SYNE1: variants seen among roughly 807,000 people sequenced by gnomAD.
The protein encoded by SYNE1 is nesprin-1.
A neutral mutation model predicts 1,111.0 loss-of-function variants in SYNE1; 616 were observed. That is an observed-to-expected ratio of 0.55 (90% CI 0.52 to 0.59). The LOEUF is 0.59. Ranked by LOEUF, SYNE1 falls within the 20% of genes least tolerant of loss-of-function variation. The probability of loss-of-function intolerance (pLI) is 0.00; values close to 1 mark genes in which losing one functional copy is unlikely to be tolerated. For missense variants in SYNE1, 10,006 were observed against 10,417.0 expected (o/e 0.96, Z 1.72); for synonymous variants, 3,855 against 3,825.8 (o/e 1.01, Z -0.28).
intron 78 of SYNE1, among the ~76,000 whole-genome samples, chr6:152,328,373 T>C (rs944120752): frequency 1.5e-5 from 2 of 135,986 alleles, no homozygotes; most frequent in Admixed American, 1.6e-4. Context: ...TTTCTCTTCT[T>C]ATTTTATTTT....
At chr6:152,597,319 C>T (rs76612580) in intron 3 of SYNE1, among the ~76,000 whole-genome samples, 8,153 of 152,188 alleles carry the variant, frequency 0.054, 727 homozygotes, top group African/African-American at 0.19. Context: ...CTCTAGTTTC[C>T]GAGGCTGGAG....
chr6:152,586,758 G>C (rs546734526), intron 3 of SYNE1, among the ~76,000 whole-genome samples: 2 of 152,106 alleles, frequency 1.3e-5, no homozygotes, highest in South Asian at 4.2e-4. Context: ...GATGGGTACA[G>C]AGTTTCTTCT....
At chr6:152,576,197 T>A (rs757324493) in intron 3 of SYNE1, among the ~76,000 whole-genome samples, 1 of 152,240 alleles carries the variant, frequency 6.6e-6, no homozygotes, top group Non-Finnish European at 1.5e-5. Flanking sequence ...TCTGTATCTA[T>A]AGGATATAAA....
rs1274593253 is a variant in SYNE1 at position 152,255,506 on chromosome 6, C to A, written c.19260+85G>T. 30 of 1,454,826 alleles carry A rather than the reference C, an allele frequency of 2.1e-5. No individual in the cohort carries two copies. The Middle Eastern group carries it at 7.4e-4, about 36-fold the overall frequency. The allele number at this position is 1,454,826 out of a possible 1,614,324, so 90.1% of individuals were successfully genotyped here. ...TTAGAATTGTTTTATGTTTGACTTT[C>A]TTTATGCATAAAATTAATTATCCCA... On this transcript the variant is annotated intron_variant, in intron 103 of 145. Transcript: ENST00000367255.
intron 95 of SYNE1, among the ~76,000 whole-genome samples, chr6:152,292,251 G>T (rs989325818): frequency 6.6e-6 from 1 of 152,168 alleles, no homozygotes. Flanking sequence ...AATGGCATTG[G>T]AATAGTCCCC....
intron 100 of SYNE1, among the ~76,000 whole-genome samples, chr6:152,264,939 G>GAATTATAA (rs2092521376): frequency 6.6e-6 from 1 of 152,078 alleles, no homozygotes; most frequent in Non-Finnish European, 1.5e-5. Context: ...GCTGGGCGTG[G>GAATTATAA]TGGCTCACAC....
At chr6:152,415,027 G>A (rs888642313) in intron 41 of SYNE1, among the ~76,000 whole-genome samples, 1 of 152,018 alleles carries the variant, frequency 6.6e-6, no homozygotes, top group East Asian at 1.9e-4. Context: ...CTGGTTAAAA[G>A]GAAACAACCA....
chr6:152,471,299 A>G (rs2098804192), intron 16 of SYNE1, among the ~76,000 whole-genome samples: 3 of 152,210 alleles, frequency 2.0e-5, no homozygotes, highest in Admixed American at 2.0e-4. Context: ...AAATGTGGGT[A>G]TGCAATACAA....
chr6:152,567,407 T>C (rs1197024843), intron 3 of SYNE1, among the ~76,000 whole-genome samples: 1 of 152,144 alleles, frequency 6.6e-6, no homozygotes, highest in Non-Finnish European at 1.5e-5. Flanking sequence ...TTTCCTAACC[T>C]ACACAGTGCT....
chr6:152,488,394 A>G lies in SYNE1; in HGVS notation c.1047+2T>C. On this transcript the variant is annotated splice_donor_variant, in intron 12 of 145. Transcript: ENST00000367255. LOFTEE classifies it high-confidence loss of function. ...AATTCAAAAATCTTCTCCATACAAT[A>G]CCTGATATTTATCCTGTAAATTTGA... 1.3e-6 allele frequency: 2 copies of G among 1,538,996 alleles called. No individual in the cohort carries two copies. Among genetic ancestry groups the G allele is most frequent in the Non-Finnish European group, 1.8e-6 (2 of 1,113,898 alleles).
chr6:152,301,870 A>G lies in SYNE1; in HGVS notation c.17540T>C (p.Met5847Thr), dbSNP rs2095187917. The G allele has an allele frequency of 1.2e-6, 2 of 1,610,614 alleles. No individual in the cohort carries two copies. The highest frequency in any genetic ancestry group is 2.2e-5 in the East Asian group (1 of 44,798). The change falls in exon 92 of 146, where the codon ATG becomes ACG. Residue 5847 changes from methionine to threonine, a missense_variant and splice_region_variant. Met to Thr is a moderately conservative substitution (Grantham distance 81). Coordinates refer to ENST00000367255, the MANE Select transcript of SYNE1 (RefSeq NM_182961.4). The part of the protein sequence containing the change: ...PTPSAHPSVV[M>T]MTAGRCHTLL... ...CGCGGGGACCCACTGGATCCTTACC[A>G]TGACCACAGAGGGGTGGGCCGAAGG...
In SYNE1 at chr6:152,147,686, G is replaced by A. The variant is rs187091713; in HGVS notation, c.24976+359C>T. On this transcript the variant is annotated intron_variant, in intron 137 of 145. Transcript: ENST00000367255. ...TCTCTCCCAGGACTCCGGCTTTGTCGCCCCTGCTTGTGTGTCCTGCCACCA... is the reference window on the plus strand; with the variant it reads ...TCTCTCCCAGGACTCCGGCTTTGTCACCCCTGCTTGTGTGTCCTGCCACCA... 5.1e-5 allele frequency: 15 copies of A among 292,144 alleles called. No individual in the cohort carries two copies. In the Admixed American group the frequency reaches 5.9e-4, roughly 11 times the overall value. The allele number at this position is 292,144 out of a possible 1,614,324, so 18.1% of individuals were successfully genotyped here.
In SYNE1 at chr6:152,291,750, G is replaced by A. The variant is rs56093970; in HGVS notation, c.18012+1838C>T. Among the ~76,000 whole-genome samples the A allele has an allele frequency of 3.3e-5, 5 of 152,208 alleles. No homozygotes were observed. In the East Asian group the frequency reaches 9.7e-4, roughly 29 times the overall value. Reference sequence around the variant, plus strand: ...CAGCCTCCTGGGCCACAAGAATGGGGGCTTGAACAAAGGTGGAGATGTCCT... The same window carrying A: ...CAGCCTCCTGGGCCACAAGAATGGGAGCTTGAACAAAGGTGGAGATGTCCT... On this transcript the variant is annotated intron_variant, in intron 95 of 145. Transcript: ENST00000367255.
chr6:152,403,791 A>C (rs1316104829), intron 46 of SYNE1, among the ~76,000 whole-genome samples: 2 of 152,170 alleles, frequency 1.3e-5, no homozygotes, highest in African/African-American at 2.4e-5. Flanking sequence ...TCTAGACATG[A>C]AATGGTCCAT....
chr6:152,610,323 C>T (rs552014054), intron 3 of SYNE1, among the ~76,000 whole-genome samples: 16 of 152,252 alleles, frequency 1.1e-4, no homozygotes, highest in African/African-American at 3.6e-4. Flanking sequence ...AGCTGAAAAC[C>T]ATGGCATGAG....
In SYNE1 at chr6:152,233,614, C is replaced by G. The variant is rs960012385; in HGVS notation, c.20712+167G>C. Among the ~76,000 whole-genome samples the G allele has an allele frequency of 9.9e-5, 15 of 152,246 alleles. No homozygotes were observed. In the South Asian group the frequency reaches 3.1e-3, roughly 32 times the overall value. On this transcript the variant is annotated intron_variant, in intron 112 of 145. Transcript: ENST00000367255. ...TGCTAGGATTACAGGTGCGAGCCACCGCGCCCGGCCAGAGTTCACTCTTAA... is the reference window on the plus strand; with the variant it reads ...TGCTAGGATTACAGGTGCGAGCCACGGCGCCCGGCCAGAGTTCACTCTTAA...
intron 83 of SYNE1, 98 bp from the exon 84 acceptor site, chr6:152,321,488 G>C: frequency 3.5e-6 from 5 of 1,437,924 alleles, no homozygotes; most frequent in Non-Finnish European, 4.7e-6. Context: ...ATTAAGTGTG[G>C]AATTAGAAAA....
chr6:152,576,578 AGACACAGGTATTTTCCAAGT>A (rs2099497403), intron 3 of SYNE1, among the ~76,000 whole-genome samples: 1 of 152,204 alleles, frequency 6.6e-6, no homozygotes, highest in South Asian at 2.1e-4. Flanking sequence ...TACCCCAAAA[AGACACAGGTATTTTCCAAGT>A]GACACAGGGG....
rs751120882 is a variant in SYNE1, at chr6:152,233,893, A to T, written c.20600T>A (p.Leu6867His). 6.2e-7 allele frequency: 1 copy of T among 1,614,184 alleles called. No homozygotes were observed. The highest frequency in any genetic ancestry group is 1.1e-5 in the South Asian group (1 of 91,084). The part of the protein sequence containing the change: ...SSVLSTGNQL[L>H]RLKKVDTATL... ...GGCTGTGTCCACCTTTTTTAGTCGA[A>T]GGAGCTGATTTCCAGTACTCAGAAC... is the stretch of plus-strand genomic sequence containing the variant. Residue 6867 changes from leucine to histidine, a missense_variant, in exon 112 of 146, where the codon CTT becomes CAT. Coordinates refer to ENST00000367255, the MANE Select transcript of SYNE1 (RefSeq NM_182961.4).
Sources: allele counts gnomAD v4.1 joint callset (sites outside exome capture counted in the v4.1 genomes callset), GRCh38; gene constraint gnomAD v4.1.1; transcripts MANE v1.5; gene names NCBI Gene and HGNC (gene_info 2026-07-23, HGNC 2026-07-21).